Variants in LATS1 observed in about 807,000 individuals in gnomAD.
LATS1 encodes large tumor suppressor kinase 1.
LATS1 carries 25 observed loss-of-function variants against 106.6 expected under a neutral mutation model. That is an observed-to-expected ratio of 0.23 (90% CI 0.17 to 0.33). The LOEUF is 0.33. Ranked by LOEUF, LATS1 falls within the 10% of genes least tolerant of loss-of-function variation. The pLI is 1.00. For missense variants in LATS1, 1,040 were observed against 1,382.6 expected, an observed-to-expected ratio of 0.75 and a Z score of 3.93; for synonymous variants, 465 against 455.6, an observed-to-expected ratio of 1.02 and a Z score of -0.26.
Position 149,684,027 on chromosome 6 carries a change from A to C in LATS1, c.1062T>G (p.Thr354=), listed in dbSNP as rs758821392. 2.5e-6 allele frequency: 4 copies of C among 1,614,012 alleles called. No individual in the cohort carries two copies. Among genetic ancestry groups the C allele is most frequent in the Non-Finnish European group, 2.5e-6 (3 of 1,180,028 alleles). The change falls in exon 4 of 8, where the codon ACT becomes ACG. Residue 354 remains threonine (T), a synonymous_variant. Coordinates refer to ENST00000543571, the MANE Select transcript of LATS1 (RefSeq NM_004690.4). ...CAACATTTTGGTGTATCATGAAATC[A>C]GTTTGTCCAGTACCATTCTGCATTC... ...RPGMQNGTGQ[T]DFMIHQNVVP...
chr6:149,698,407 CT>C, intron 2 of LATS1, among the ~76,000 whole-genome samples: 1 of 152,068 alleles, frequency 6.6e-6, no homozygotes, highest in East Asian at 1.9e-4. Context: ...CCACACCTGG[CT>C]GATTTTTAAC....
At position 149,704,510 on chromosome 6, in the gene LATS1, A is replaced by G. The variant is rs574279092; in HGVS notation, c.-140-2244T>C. Among the ~76,000 whole-genome samples, 68 of 146,876 alleles carry G rather than the reference A, an allele frequency of 4.6e-4. No homozygotes were observed. The East Asian group carries it at 0.014, about 29-fold the overall frequency. ...TTTTTTTTGTTTTTTTTTTTGAGAC[A>G]GGGTCTCATTCTGTTGCTCAGGCTG... is the stretch of plus-strand genomic sequence containing the variant. On this transcript the variant is annotated intron_variant, in intron 1 of 7. Coordinates refer to ENST00000543571, the MANE Select transcript of LATS1 (RefSeq NM_004690.4).
chr6:149,697,418 C>T (rs1350283961), intron 2 of LATS1, among the ~76,000 whole-genome samples: 1 of 151,968 alleles, frequency 6.6e-6, no homozygotes, highest in East Asian at 1.9e-4. Context: ...AGCATGTTGC[C>T]ACCAAGAAGT....
chr6:149,690,190 T>C (rs1782651381), intron 3 of LATS1, among the ~76,000 whole-genome samples: 2 of 151,408 alleles, frequency 1.3e-5, no homozygotes, highest in Non-Finnish European at 2.9e-5. Flanking sequence ...AACATATACA[T>C]ATATGTATTC....
intron 3 of LATS1, among the ~76,000 whole-genome samples, chr6:149,688,716 C>T (rs370273225): frequency 1.8e-4 from 28 of 152,226 alleles, no homozygotes; most frequent in African/African-American, 4.1e-4. Context: ...CCTACATTCT[C>T]GAAGGAGAAG....
At chr6:149,696,815 G>A (rs1237661240) in intron 2 of LATS1, among the ~76,000 whole-genome samples, 2 of 152,162 alleles carry the variant, frequency 1.3e-5, no homozygotes, top group Admixed American at 1.3e-4. Context: ...TCAGACAGAT[G>A]TGAGTTTGAG....
At chr6:149,695,351 T>C (rs1011125855) in intron 2 of LATS1, 130 bp from the exon 3 acceptor site, 16 of 594,504 alleles carry the variant, frequency 2.7e-5, no homozygotes, top group Admixed American at 1.8e-4. Context: ...ACCATGATAT[T>C]AATGTTCTGT....
At chr6:149,669,305 T>C (rs1163434162) in intron 7 of LATS1, among the ~76,000 whole-genome samples, 1 of 151,796 alleles carries the variant, frequency 6.6e-6, no homozygotes, top group African/African-American at 2.4e-5. Context: ...AGCTAATTTT[T>C]TGTACTTTTA....
At chr6:149,714,752 A>G (rs1784296041) in intron 1 of LATS1, among the ~76,000 whole-genome samples, 1 of 152,218 alleles carries the variant, frequency 6.6e-6, no homozygotes, top group African/African-American at 2.4e-5. Context: ...GCAGCCTGTT[A>G]TCATGATGTT....
rs569259310 is a variant in LATS1 at position 149,661,064 on chromosome 6, G to A, written c.*665C>T. The A allele has an allele frequency of 2.5e-5, 4 of 158,870 alleles. No individual in the cohort carries two copies. The South Asian group carries it at 9.4e-4, about 37-fold the overall frequency. 9.8% of individuals were successfully genotyped at this position (158,870 alleles called of 1,614,324 possible). ...TTCTTTTAAAGCCAGTAATTCTTGA[G>A]AAATAAATGCAAGAAGATTAAATAG... On this transcript the variant is annotated 3_prime_UTR_variant, in exon 8 of 8. Coordinates refer to ENST00000543571, the MANE Select transcript of LATS1 (RefSeq NM_004690.4).
At chr6:149,711,604 CTT>C (rs1784102842) in intron 1 of LATS1, among the ~76,000 whole-genome samples, 2 of 152,118 alleles carry the variant, frequency 1.3e-5, no homozygotes, top group East Asian at 1.9e-4. Flanking sequence ...AAAAAATCTT[CTT>C]GTCTATTCAA....
chr6:149,684,272 G>C lies in LATS1; in HGVS notation c.817C>G (p.Gln273Glu). The C allele has an allele frequency of 6.2e-7, 1 of 1,614,106 alleles. No homozygotes were observed. The highest frequency in any genetic ancestry group is 8.5e-7 in the Non-Finnish European group (1 of 1,180,008). The stretch of plus-strand genomic sequence containing the variant: ...ATGTTTCCAGAATAGCGCTTTGTTT[G>C]AGAGTTTGGTTCCCATGAAGGGGGA... The part of the protein sequence containing the change: ...PPPPSWEPNS[Q>E]TKRYSGNMEY... Residue 273 changes from glutamine to glutamate, a missense_variant, in exon 4 of 8, where the codon CAA becomes GAA. Around this residue, in one of 7 missense-constraint regions of LATS1, gnomAD observed 624 missense variants for 714.8 expected, o/e 0.87. Coordinates refer to ENST00000543571, the MANE Select transcript of LATS1 (RefSeq NM_004690.4).
chr6:149,666,925 C>CAAAACA, intron 7 of LATS1, among the ~76,000 whole-genome samples: 2 of 134,306 alleles, frequency 1.5e-5, no homozygotes, highest in South Asian at 2.3e-4. Context: ...GCCTGGGCAA[C>CAAAACA]AGAGTGAGAC....
At chr6:149,692,327 A>T (rs1297856329) in intron 3 of LATS1, among the ~76,000 whole-genome samples, 1 of 152,088 alleles carries the variant, frequency 6.6e-6, no homozygotes, top group Non-Finnish European at 1.5e-5. Context: ...AGGGACACTC[A>T]CTAAACCCAT....
chr6:149,666,943 CAAA>C (rs113430262), intron 7 of LATS1, among the ~76,000 whole-genome samples: 3 of 60,240 alleles, frequency 5.0e-5, no homozygotes, highest in Middle Eastern at 9.1e-3. Flanking sequence ...GACTCTGTCT[CAAA>C]AAAAAAAAAA....
intron 7 of LATS1, among the ~76,000 whole-genome samples, chr6:149,670,189 AAAAAGAAAAG>A (rs1164555654): frequency 0.019 from 1,936 of 102,206 alleles, 27 homozygotes; most frequent in African/African-American, 0.039. Context: ...AAAAAAAAAA[AAAAAGAAAAG>A]AAAAGAAAAG....
chr6:149,690,534 T>C (rs991332120), intron 3 of LATS1, among the ~76,000 whole-genome samples: 10 of 151,864 alleles, frequency 6.6e-5, no homozygotes, highest in African/African-American at 2.4e-4. Context: ...TTTTATGTCA[T>C]TTAAAATTTT....
At chr6:149,675,928 G>C (rs1352311459) in intron 7 of LATS1, 1 of 250,238 alleles carries the variant, frequency 4.0e-6, no homozygotes, top group Non-Finnish European at 7.8e-6. Flanking sequence ...CAAGATTATG[G>C]GGATATGGCA....
rs566665582 is a variant in LATS1 at position 149,673,473 on chromosome 6, T to G, written c.2883+2787A>C. Among the ~76,000 whole-genome samples the G allele has an allele frequency of 6.6e-5, 10 of 152,094 alleles. No homozygotes were observed. The South Asian group carries it at 1.9e-3, about 28-fold the overall frequency. On this transcript the variant is annotated intron_variant, in intron 7 of 7. Coordinates refer to ENST00000543571, the MANE Select transcript of LATS1 (RefSeq NM_004690.4). ...TAGAATTGATGAGAATGGACATTCC[T>G]GCCTTGTTCTCAACCTTAGGGAGAA...
Sources: allele counts gnomAD v4.1 joint callset (sites outside exome capture counted in the v4.1 genomes callset), GRCh38; gene constraint gnomAD v4.1.1; regional missense constraint gnomAD v4.1.1; transcripts MANE v1.5; gene names NCBI Gene and HGNC (gene_info 2026-07-23, HGNC 2026-07-21).